The following CDC42SE2 variants were observed in gnomAD, a reference collection of about 807,000 sequenced individuals.
CDC42SE2 encodes the protein CDC42 small effector protein 2.
CDC42SE2 carries 3 observed loss-of-function variants against 11.5 expected under a neutral mutation model. The ratio of observed to expected loss-of-function variants is 0.26; its 90% CI spans 0.12 to 0.67. The LOEUF (loss-of-function observed/expected upper bound fraction) is 0.67. Among genes scored for constraint, CDC42SE2 ranks in the 30% least tolerant of loss-of-function variants. The probability of loss-of-function intolerance (pLI) is 0.80; values close to 1 mark genes in which losing one functional copy is unlikely to be tolerated. For missense variants in CDC42SE2, 82 were observed against 106.8 expected, an observed-to-expected ratio of 0.77 and a Z score of 1.02; for synonymous variants, 33 against 34.8, an observed-to-expected ratio of 0.95 and a Z score of 0.18.
At chr5:131,353,928 TC>T (rs1364513880) in intron 2 of CDC42SE2, among the ~76,000 whole-genome samples, 4 of 150,962 alleles carry the variant, frequency 2.6e-5, no homozygotes, top group Admixed American at 2.6e-4. Flanking sequence ...AAAAAAATTA[TC>T]GTTTAAAAAT....
intron 2 of CDC42SE2, among the ~76,000 whole-genome samples, chr5:131,346,872 T>C (rs565384721): frequency 2.0e-5 from 3 of 151,246 alleles, no homozygotes; most frequent in Admixed American, 1.3e-4. Flanking sequence ...CTCAACTACA[T>C]GGAAACTGAA....
In CDC42SE2 at chr5:131,392,615, C is replaced by T. The variant is rs1750694673; in HGVS notation, c.*1524C>T. On this transcript the variant is annotated 3_prime_UTR_variant, in exon 5 of 5. Transcript: ENST00000505065. ...ATGTTCAATATATTTATTTTGAGAG[C>T]AAGGACCTGTGGTTGTAAACAGGTG... is the stretch of plus-strand genomic sequence containing the variant. The T allele has an allele frequency of 6.6e-6, 1 of 152,276 alleles. No individual in the cohort carries two copies. Among genetic ancestry groups the T allele is most frequent in the African/African-American group, 2.4e-5 (1 of 41,410 alleles). 9.4% of individuals were successfully genotyped at this position (152,276 alleles called of 1,614,324 possible).
At chr5:131,277,003 C>G (rs960201450) in intron 1 of CDC42SE2, among the ~76,000 whole-genome samples, 3 of 152,020 alleles carry the variant, frequency 2.0e-5, no homozygotes, top group Non-Finnish European at 2.9e-5. Context: ...GCCTCCCAAA[C>G]TGCTGGGATT....
chr5:131,307,222 C>T (rs1383560669), intron 1 of CDC42SE2, among the ~76,000 whole-genome samples: 4 of 120,534 alleles, frequency 3.3e-5, no homozygotes, highest in African/African-American at 9.4e-5. Flanking sequence ...CCCCCTCCCC[C>T]CACCCGACAA....
At chr5:131,361,939 C>A (rs1749721434) in intron 3 of CDC42SE2, among the ~76,000 whole-genome samples, 1 of 152,124 alleles carries the variant, frequency 6.6e-6, no homozygotes, top group African/African-American at 2.4e-5. Context: ...CGCTGATGTG[C>A]TCCTCTCGAC....
chr5:131,263,314 G>A (rs981613994), upstream of CDC42SE2, among the ~76,000 whole-genome samples: 4 of 152,092 alleles, frequency 2.6e-5, no homozygotes, highest in African/African-American at 9.7e-5. Flanking sequence ...ACAGGTTCGA[G>A]AGCTTACTTC....
chr5:131,268,754 C>CT (rs11370516), intron 1 of CDC42SE2, among the ~76,000 whole-genome samples: 69,135 of 96,730 alleles, frequency 0.71, 26,149 homozygotes, highest in Non-Finnish European at 0.78. Context: ...ACCCGGATTG[C>CT]TTTTTTTTTT....
chr5:131,380,817 C>T (rs1043999557), intron 3 of CDC42SE2, among the ~76,000 whole-genome samples: 1 of 152,174 alleles, frequency 6.6e-6, no homozygotes, highest in Non-Finnish European at 1.5e-5. Flanking sequence ...TTCTTCCTGT[C>T]CAGAAGGCCA....
intron 3 of CDC42SE2, among the ~76,000 whole-genome samples, chr5:131,382,388 C>T (rs1364503155): frequency 6.6e-6 from 1 of 152,122 alleles, no homozygotes; most frequent in Non-Finnish European, 1.5e-5. Flanking sequence ...CTGTTCTCCC[C>T]CAACACAGTC....
intron 2 of CDC42SE2, among the ~76,000 whole-genome samples, chr5:131,324,404 T>TA (rs143983311): frequency 0.017 from 2,524 of 152,256 alleles, 29 homozygotes; most frequent in Middle Eastern, 0.037. Flanking sequence ...GGGTGGGAGT[T>TA]TAATCCTCAT....
the CDC42SE2 span, among the ~76,000 whole-genome samples, chr5:131,218,581 G>A: frequency 2.0e-5 from 3 of 151,928 alleles, no homozygotes; most frequent in Non-Finnish European, 4.4e-5. Flanking sequence ...TGTTCACAAC[G>A]TTACTATTTG....
chr5:131,278,145 T>A (rs1342227224), intron 1 of CDC42SE2, among the ~76,000 whole-genome samples: 2 of 152,090 alleles, frequency 1.3e-5, no homozygotes, highest in Non-Finnish European at 2.9e-5. Flanking sequence ...GCCACCACGC[T>A]AGCCAATTTT....
intron 2 of CDC42SE2, among the ~76,000 whole-genome samples, chr5:131,322,961 T>A (rs1758221856): frequency 6.6e-6 from 1 of 152,164 alleles, no homozygotes; most frequent in South Asian, 2.1e-4. Flanking sequence ...CTGTGTGTGG[T>A]TTTTGTTTTG....
At chr5:131,300,073 G>A (rs1757649482) in intron 1 of CDC42SE2, among the ~76,000 whole-genome samples, 1 of 152,168 alleles carries the variant, frequency 6.6e-6, no homozygotes. Flanking sequence ...TCCTGTTAAA[G>A]TGTTGTTATC....
At position 131,277,126 on chromosome 5, in the gene CDC42SE2, T is replaced by G. The variant is rs189007373; in HGVS notation, c.-455+12960T>G. On this transcript the variant is annotated intron_variant, in intron 1 of 4. Transcript: ENST00000505065. ...CACTAGAAGTGTTTCTTTACAATTTTGAAATAATCTATTTTATAGACTAGG... is the reference window on the plus strand; with the variant it reads ...CACTAGAAGTGTTTCTTTACAATTTGGAAATAATCTATTTTATAGACTAGG... Among the ~76,000 whole-genome samples, 293 of 152,360 alleles carry G rather than the reference T, an allele frequency of 1.9e-3. 1 individual carries two copies. The highest frequency in any genetic ancestry group is 6.7e-3 in the African/African-American group (278 of 41,582).
intron 1 of CDC42SE2, among the ~76,000 whole-genome samples, chr5:131,271,296 G>A (rs977334802): frequency 1.3e-5 from 2 of 152,110 alleles, no homozygotes; most frequent in Admixed American, 6.6e-5. Context: ...TCAGCATCCT[G>A]TCTTTCCAAC....
intron 2 of CDC42SE2, among the ~76,000 whole-genome samples, chr5:131,349,484 TATA>T (rs1281618694): frequency 1.3e-5 from 2 of 152,176 alleles, no homozygotes; most frequent in Admixed American, 1.3e-4. Flanking sequence ...GTACTTAAAG[TATA>T]ATAATAATAA....
intron 2 of CDC42SE2, among the ~76,000 whole-genome samples, chr5:131,333,727 C>T (rs956440321): frequency 1.3e-5 from 2 of 152,030 alleles, no homozygotes; most frequent in African/African-American, 4.8e-5. Flanking sequence ...CTCTTTGAAG[C>T]AATTGTGAAT....
intron 1 of CDC42SE2, among the ~76,000 whole-genome samples, chr5:131,288,296 T>G (rs1757383197): frequency 6.6e-6 from 1 of 152,118 alleles, no homozygotes; most frequent in Non-Finnish European, 1.5e-5. Flanking sequence ...CCTCTTATAA[T>G]GTGGAATCAA....
Sources: gnomAD v4.1 joint callset for allele counts (sites outside exome capture counted in the v4.1 genomes callset) on GRCh38, gnomAD v4.1.1 for gene constraint, MANE v1.5 for transcripts, NCBI Gene and HGNC (gene_info 2026-07-23, HGNC 2026-07-21) for gene names.